The following EML2 variants were observed in gnomAD, a reference collection of about 807,000 sequenced individuals.
The protein encoded by EML2 is EMAP like 2, also known as echinoderm microtubule-associated protein-like 2.
In EML2, 59 loss-of-function variants were observed where a neutral mutation model predicts 84.7. The observed-to-expected ratio is 0.70, with a 90% CI of 0.56 to 0.86. The LOEUF is 0.86. EML2 is among the 40% of genes least tolerant of loss of function. EML2 has a pLI of 0.00. For missense variants in EML2, 818 were observed against 855.6 expected, an observed-to-expected ratio of 0.96 and a Z score of 0.55; for synonymous variants, 352 against 348.9, an observed-to-expected ratio of 1.01 and a Z score of -0.10.
intron 12 of EML2, among the ~76,000 whole-genome samples, chr19:45,618,468 G>A (rs1355090932): frequency 6.6e-6 from 1 of 152,046 alleles, no homozygotes; most frequent in Non-Finnish European, 1.5e-5. Context: ...ACACTTGACT[G>A]TTGCAGCGGT....
chr19:45,626,965 T>TTC (rs1402579038), intron 7 of EML2, 126 bp from the exon 8 acceptor site: 1 of 909,398 alleles, frequency 1.1e-6, no homozygotes, highest in Non-Finnish European at 1.5e-6. Flanking sequence ...CTTTTCTTTT[T>TTC]TTTTTTTTTT....
At chr19:45,620,564 C>T (rs1971563544) in intron 11 of EML2, among the ~76,000 whole-genome samples, 1 of 151,538 alleles carries the variant, frequency 6.6e-6, no homozygotes, top group African/African-American at 2.4e-5. Flanking sequence ...CAAAAATTAG[C>T]TGGGTGTAGT....
At chr19:45,611,383 C>A (rs1267617476) in intron 18 of EML2, among the ~76,000 whole-genome samples, 2 of 151,602 alleles carry the variant, frequency 1.3e-5, no homozygotes, top group Non-Finnish European at 2.9e-5. Context: ...TGCACTGCAG[C>A]CTGGGCAACA....
At position 45,613,563 on chromosome 19, in the gene EML2, C is replaced by G; in HGVS notation, c.1802G>C (p.Ser601Thr). ...CACTCGAGGCTGACAGCAGGGGTAG[C>G]TAAACAGGTGAACTTTGCCAAAGTC... ...ADDFGKVHLF[S>T]YPCCQPRALS... Residue 601 changes from serine to threonine, a missense_variant, in exon 18 of 19, where the codon AGC becomes ACC. Ser to Thr is a moderately conservative substitution (Grantham distance 58). Coordinates refer to ENST00000245925, the MANE Select transcript of EML2 (RefSeq NM_012155.4). The G allele has an allele frequency of 6.2e-7, 1 of 1,614,048 alleles. No individual in the cohort carries two copies. Among genetic ancestry groups the G allele is most frequent in the Non-Finnish European group, 8.5e-7 (1 of 1,180,004 alleles).
At chr19:45,624,296 C>T (rs1972049307) in intron 9 of EML2, among the ~76,000 whole-genome samples, 1 of 152,200 alleles carries the variant, frequency 6.6e-6, no homozygotes, top group Admixed American at 6.5e-5. Context: ...AGGAGGATGA[C>T]ACATTCATTT....
chr19:45,621,693 C>T (rs1600120442), intron 9 of EML2, 56 bp from the exon 10 acceptor site: 2 of 1,538,134 alleles, frequency 1.3e-6, no homozygotes, highest in Admixed American at 3.9e-5. Flanking sequence ...ATGCTGACCC[C>T]TGAAAGCATC....
chr19:45,634,558 T>C (rs1203418253), intron 3 of EML2, 87 bp from the exon 4 acceptor site: 1 of 1,055,216 alleles, frequency 9.5e-7, no homozygotes, highest in African/African-American at 1.7e-5. Flanking sequence ...TATTTTTAAT[T>C]TTTTTATTTA....
At chr19:45,634,196 G>C in intron 4 of EML2, 126 bp downstream of exon 4, 1 of 1,259,304 alleles carries the variant, frequency 7.9e-7, no homozygotes, top group Non-Finnish European at 1.1e-6. Flanking sequence ...TTTGGAGAGG[G>C]AGCAAAGGCT....
At chr19:45,638,971 C>T in intron 1 of EML2, 98 bp from the exon 2 acceptor site, 1 of 1,439,496 alleles carries the variant, frequency 6.9e-7, no homozygotes, top group Non-Finnish European at 9.8e-7. Flanking sequence ...CGGAGGTCTC[C>T]GATGAAAACG....
At chr19:45,641,068 T>G (rs1002217059), upstream of EML2, 1 of 153,742 alleles carries the variant, frequency 6.5e-6, no homozygotes, top group African/African-American at 2.4e-5. Flanking sequence ...TGGCTGCACC[T>G]CTTGGCATTT....
At chr19:45,641,684 G>A, upstream of EML2, 2 of 1,536,160 alleles carry the variant, frequency 1.3e-6, no homozygotes, top group East Asian at 2.4e-5. Flanking sequence ...GATGTGGTCC[G>A]GCTGCGGGGG....
At position 45,620,730 on chromosome 19, in the gene EML2, A is replaced by G. The variant is rs892879285; in HGVS notation, c.1122+477T>C. ...CTCAAAAATGAAAAAAAAAAAAAAA[A>G]AGTATAAATATAGTGCTTCCCGGTA... On this transcript the variant is annotated intron_variant, in intron 11 of 18. Transcript: ENST00000245925. 4.8e-5 allele frequency: 9 copies of G among 188,690 alleles called. 1 individual carries two copies. In the South Asian group the frequency reaches 8.5e-4, roughly 18 times the overall value. The allele number at this position is 188,690 out of a possible 1,614,324, so 11.7% of individuals were successfully genotyped here. A position where few individuals can be genotyped will look rare whatever the true frequency, so the allele number is the denominator to read the frequency against.
At chr19:45,634,258 G>A in intron 4 of EML2, 64 bp downstream of exon 4, 1 of 1,601,332 alleles carries the variant, frequency 6.2e-7, no homozygotes. Context: ...GGCATAGAGG[G>A]GCAGGGGCTG....
At chr19:45,615,572 T>A (rs972283538) in intron 16 of EML2, among the ~76,000 whole-genome samples, 3 of 148,488 alleles carry the variant, frequency 2.0e-5, no homozygotes, top group African/African-American at 7.4e-5. Flanking sequence ...TTTAAAAATG[T>A]AAAAAAAGAA....
chr19:45,631,525 T>C (rs186256909), intron 6 of EML2, among the ~76,000 whole-genome samples: 18 of 152,092 alleles, frequency 1.2e-4, no homozygotes, highest in Non-Finnish European at 1.5e-5. Context: ...TTCAAGTGAC[T>C]CTCCTGCCTC....
upstream of EML2, chr19:45,642,178 G>A (rs541800318): frequency 1.3e-6 from 2 of 1,530,256 alleles, no homozygotes; most frequent in African/African-American, 1.4e-5. Context: ...GCCCTTGGGG[G>A]TGCCCCGCGC....
Position 45,630,031 on chromosome 19 carries a change from G to A in EML2, c.526C>T (p.Leu176=), listed in dbSNP as rs1266168728. The stretch of plus-strand genomic sequence containing the variant: ...TCATTGGATTCATCCACTGCACACA[G>A]CAGGTTGCCTCCATTCTAAAGAGGA... ...GFSKSNGGNL[L]CAVDESNDHM... Residue 176 remains leucine (L), a synonymous_variant, in exon 7 of 19, where the codon CTG becomes TTG. Transcript: ENST00000245925. The A allele has an allele frequency of 7.4e-6, 12 of 1,612,526 alleles. No homozygotes were observed. The highest frequency in any genetic ancestry group is 8.5e-6 in the Non-Finnish European group (10 of 1,179,256).
At chr19:45,627,887 C>G (rs1432808102) in intron 7 of EML2, among the ~76,000 whole-genome samples, 1 of 151,926 alleles carries the variant, frequency 6.6e-6, no homozygotes, top group Non-Finnish European at 1.5e-5. Flanking sequence ...CATGGAGAAA[C>G]TCCGTCTCTA....
intron 9 of EML2, among the ~76,000 whole-genome samples, chr19:45,624,471 A>G (rs1972069989): frequency 6.6e-6 from 1 of 152,114 alleles, no homozygotes; most frequent in Admixed American, 6.6e-5. Context: ...TCTAAACACA[A>G]CTGAGCTAAC....
Sources: allele counts gnomAD v4.1 joint callset (sites outside exome capture counted in the v4.1 genomes callset), GRCh38; gene constraint gnomAD v4.1.1; transcripts MANE v1.5; gene names NCBI Gene and HGNC (gene_info 2026-07-23, HGNC 2026-07-21).